The following NCALD variants were observed in gnomAD, a reference collection of about 807,000 sequenced individuals.
The protein encoded by NCALD is neurocalcin delta.
NCALD carries 10 observed loss-of-function variants against 18.6 expected under a neutral mutation model. The ratio of observed to expected loss-of-function variants is 0.54; its 90% confidence interval spans 0.33 to 0.91. The LOEUF (loss-of-function observed/expected upper bound fraction) is 0.91. Ranked by LOEUF, NCALD falls within the 40% of genes least tolerant of loss-of-function variation. The pLI is 0.03. For synonymous variants in NCALD, 88 were observed against 87.4 expected (o/e 1.01, Z -0.04); for missense variants, 184 against 247.6 (o/e 0.74, Z 1.72).
At chr8:101,691,208 G>A in intron 3 of NCALD, 1 of 985,352 alleles carries the variant, frequency 1.0e-6, no homozygotes, top group Non-Finnish European at 1.2e-6. Context: ...TCTGACAGCT[G>A]TGAACTTACA....
intron 1 of NCALD, among the ~76,000 whole-genome samples, chr8:102,093,300 A>G (rs1458055218): frequency 6.6e-6 from 1 of 152,182 alleles, no homozygotes; most frequent in Non-Finnish European, 1.5e-5. Context: ...GGTCTGAATA[A>G]TAGTTTGATT....
chr8:102,110,133 G>C (rs1437129909), intron 1 of NCALD, among the ~76,000 whole-genome samples: 1 of 152,140 alleles, frequency 6.6e-6, no homozygotes, highest in East Asian at 1.9e-4. Flanking sequence ...CCCTGGAAGA[G>C]GAAACGAGCC....
intron 2 of NCALD, among the ~76,000 whole-genome samples, chr8:101,707,076 A>C (rs1293220138): frequency 6.6e-6 from 1 of 152,156 alleles, no homozygotes; most frequent in Non-Finnish European, 1.5e-5. Flanking sequence ...TTGGAGCTGA[A>C]TTCCCAGGGG....
intron 2 of NCALD, among the ~76,000 whole-genome samples, chr8:102,014,342 A>G (rs1370858170): frequency 1.3e-5 from 2 of 152,146 alleles, no homozygotes; most frequent in African/African-American, 2.4e-5. Flanking sequence ...TTCTTTTATT[A>G]GGGCATGAAT....
At chr8:102,115,923 G>C (rs1491001795) in intron 1 of NCALD, among the ~76,000 whole-genome samples, 1 of 151,842 alleles carries the variant, frequency 6.6e-6, no homozygotes. Context: ...GCTGAGACAG[G>C]GATCAAACTG....
intron 4 of NCALD, among the ~76,000 whole-genome samples, chr8:101,803,447 A>G (rs1812943539): frequency 6.6e-6 from 1 of 152,212 alleles, no homozygotes; most frequent in Non-Finnish European, 1.5e-5. Flanking sequence ...TGGTAACACA[A>G]CATCCATTCT....
At chr8:101,882,723 C>T (rs1158743267) in intron 4 of NCALD, among the ~76,000 whole-genome samples, 1 of 152,206 alleles carries the variant, frequency 6.6e-6, no homozygotes, top group Non-Finnish European at 1.5e-5. Context: ...CTTTTGCAAA[C>T]AAGACCTGAA....
At chr8:101,843,334 G>A (rs182155804) in intron 4 of NCALD, among the ~76,000 whole-genome samples, 9 of 152,280 alleles carry the variant, frequency 5.9e-5, no homozygotes, top group South Asian at 4.1e-4. Flanking sequence ...CAGGCCTCAC[G>A]CTAGACCTAC....
intron 2 of NCALD, among the ~76,000 whole-genome samples, chr8:101,944,596 C>T (rs1040274642): frequency 2.0e-5 from 3 of 152,208 alleles, no homozygotes; most frequent in Non-Finnish European, 4.4e-5. Context: ...ATGCCCTATA[C>T]CTGTATCACC....
intron 1 of NCALD, among the ~76,000 whole-genome samples, chr8:102,119,893 T>C (rs893316140): frequency 2.0e-5 from 3 of 152,228 alleles, no homozygotes; most frequent in Non-Finnish European, 2.9e-5. Context: ...GTCAAATAGT[T>C]GAGTAAAAAT....
At chr8:101,838,843 A>T (rs748656708) in intron 4 of NCALD, among the ~76,000 whole-genome samples, 3 of 152,252 alleles carry the variant, frequency 2.0e-5, no homozygotes, top group Non-Finnish European at 4.4e-5. Context: ...CAGTATCATA[A>T]CCAATGTTCA....
At chr8:101,746,377 A>G (rs6997574) in intron 1 of NCALD, among the ~76,000 whole-genome samples, 94,335 of 152,078 alleles carry the variant, frequency 0.62, 31,811 homozygotes, top group Non-Finnish European at 0.75. Flanking sequence ...GAGGTACTGC[A>G]TGTACAAGTG....
intron 2 of NCALD, among the ~76,000 whole-genome samples, chr8:102,014,229 T>G (rs990684488): frequency 6.6e-6 from 1 of 152,194 alleles, no homozygotes. Context: ...CAGATCAAAG[T>G]GCCAGCAGAT....
intron 1 of NCALD, among the ~76,000 whole-genome samples, chr8:102,058,423 A>G (rs1377835344): frequency 6.6e-6 from 1 of 152,230 alleles, no homozygotes; most frequent in Non-Finnish European, 1.5e-5. Context: ...GAATGTTCCC[A>G]CTTACCTATA....
chr8:102,037,581 G>C (rs1822914265), intron 1 of NCALD, among the ~76,000 whole-genome samples: 1 of 152,076 alleles, frequency 6.6e-6, no homozygotes, highest in Non-Finnish European at 1.5e-5. Flanking sequence ...TAAATAGCAG[G>C]AGCTATCTCT....
At chr8:102,119,063 A>T (rs1460601478) in intron 1 of NCALD, among the ~76,000 whole-genome samples, 2 of 152,198 alleles carry the variant, frequency 1.3e-5, no homozygotes, top group Non-Finnish European at 2.9e-5. Context: ...CAGCATTTCC[A>T]CTTCTGGGTA....
intron 2 of NCALD, among the ~76,000 whole-genome samples, chr8:102,006,501 T>C (rs1016645552): frequency 2.6e-5 from 4 of 152,196 alleles, no homozygotes; most frequent in Non-Finnish European, 4.4e-5. Context: ...GTTCTCCACC[T>C]TTCTCTCCCC....
intron 4 of NCALD, among the ~76,000 whole-genome samples, chr8:101,882,650 T>A (rs1816533047): frequency 6.6e-6 from 1 of 152,204 alleles, no homozygotes. Flanking sequence ...TTCCTGAAGA[T>A]TAAAACAGAT....
chr8:102,023,102 A>T (rs576124831), intron 1 of NCALD, among the ~76,000 whole-genome samples: 1 of 152,328 alleles, frequency 6.6e-6, no homozygotes, highest in South Asian at 2.1e-4. Context: ...CAAAAATTTC[A>T]TTTGAATAAA....
Sources: allele counts gnomAD v4.1 joint callset (sites outside exome capture counted in the v4.1 genomes callset), GRCh38; gene constraint gnomAD v4.1.1; transcripts MANE v1.5; gene names NCBI Gene and HGNC (gene_info 2026-07-23, HGNC 2026-07-21).